MRTFB: variants seen among roughly 807,000 people sequenced by gnomAD.
MRTFB encodes the protein myocardin-related transcription factor B.
Under a neutral mutation model 104.2 loss-of-function variants are expected in MRTFB, and 29 were observed. The ratio of observed to expected loss-of-function variants is 0.28; its 90% CI spans 0.21 to 0.38. The LOEUF (loss-of-function observed/expected upper bound fraction) is 0.38. MRTFB is among the 10% of genes least tolerant of loss of function. The pLI, the probability that MRTFB is intolerant of heterozygous loss-of-function variation, is 1.00. For missense variants in MRTFB, 1,270 were observed against 1,341.6 expected, an observed-to-expected ratio of 0.95 and a Z score of 0.83; for synonymous variants, 535 against 519.5, an observed-to-expected ratio of 1.03 and a Z score of -0.41.
chr16:14,132,727 T>G (rs2037500819), intron 2 of MRTFB, among the ~76,000 whole-genome samples: 1 of 152,226 alleles, frequency 6.6e-6, no homozygotes, highest in Non-Finnish European at 1.5e-5. Context: ...TTAAAATGCT[T>G]CGTGGCAGAA....
At position 14,266,197 on chromosome 16, in the gene MRTFB, A is replaced by T. The variant is rs2043941818; in HGVS notation, c.*4753A>T. On this transcript the variant is annotated 3_prime_UTR_variant, in exon 17 of 17. Transcript: ENST00000571589. Reference sequence around the variant, plus strand: ...AAGGTATTATCCATTTAAGGTTATAATTTTCACTAAGATGTAGATATTTCT... The same window carrying T: ...AAGGTATTATCCATTTAAGGTTATATTTTTCACTAAGATGTAGATATTTCT... 1 of 152,230 alleles carries T rather than the reference A, an allele frequency of 6.6e-6. No individual in the cohort carries two copies. Among genetic ancestry groups the T allele is most frequent in the South Asian group, 2.1e-4 (1 of 4,830 alleles). The allele number at this position is 152,230 out of a possible 1,614,324, so 9.4% of individuals were successfully genotyped here. A position where few individuals can be genotyped will look rare whatever the true frequency, so the allele number is the denominator to read the frequency against.
chr16:14,117,683 C>G (rs1056124023), intron 2 of MRTFB, among the ~76,000 whole-genome samples: 8 of 152,086 alleles, frequency 5.3e-5, no homozygotes, highest in African/African-American at 1.9e-4. Flanking sequence ...GGAGATGGTG[C>G]CAACTGCAGT....
At chr16:14,107,208 C>G (rs1009581269) in intron 2 of MRTFB, among the ~76,000 whole-genome samples, 1 of 152,216 alleles carries the variant, frequency 6.6e-6, no homozygotes, top group Admixed American at 6.5e-5. Context: ...TGCACTCCAT[C>G]CTGGGTGACA....
chr16:14,014,669 C>T, the MRTFB span, among the ~76,000 whole-genome samples: 100 of 151,988 alleles, frequency 6.6e-4, no homozygotes, highest in African/African-American at 2.4e-3. Flanking sequence ...GCCTGGCCAA[C>T]ATGGTGAAAC....
intron 10 of MRTFB, among the ~76,000 whole-genome samples, chr16:14,244,022 C>T (rs1019039236): frequency 1.8e-4 from 28 of 152,080 alleles, no homozygotes; most frequent in East Asian, 1.2e-3. Context: ...GGGCTACAGG[C>T]GCCCGCCACC....
chr16:14,257,083 A>G lies in MRTFB; in HGVS notation c.2704-1018A>G, dbSNP rs568444829. Among the ~76,000 whole-genome samples, 5 of 152,342 alleles carry G rather than the reference A, an allele frequency of 3.3e-5. No homozygotes were observed. The South Asian group carries it at 1.0e-3, about 32-fold the overall frequency. On this transcript the variant is annotated intron_variant, in intron 15 of 16. Transcript: ENST00000571589. The stretch of plus-strand genomic sequence containing the variant: ...GAAATATCTAAAATTGAAAAGACTG[A>G]CCCTACAAAGTATTGGTGAGAATGG...
chr16:14,231,811 C>T (rs1380084278), intron 8 of MRTFB, among the ~76,000 whole-genome samples: 1 of 152,114 alleles, frequency 6.6e-6, no homozygotes, highest in African/African-American at 2.4e-5. Flanking sequence ...GGGTTTGGTA[C>T]GGGAACGGAG....
At position 14,250,183 on chromosome 16, in the gene MRTFB, T is replaced by A. The variant is rs1821915; in HGVS notation, c.2403+1102T>A. Among the ~76,000 whole-genome samples the A allele has an allele frequency of 1.2e-3, 181 of 152,352 alleles. 6 individuals carry two copies. In the East Asian group the frequency reaches 0.03, roughly 25 times the overall value. On this transcript the variant is annotated intron_variant, in intron 13 of 16. Transcript: ENST00000571589. ...TTAAAGGAAGTAATTTTTTACCAAA[T>A]TTAAGGAAAATTAATTTTTTCAAAT...
rs149892819 is a variant in MRTFB at position 14,200,330 on chromosome 16, C to T, written c.155-9913C>T. 2,226 of 1,607,212 alleles carry T rather than the reference C, an allele frequency of 1.4e-3. 17 individuals are homozygous for T. The African/African-American group carries it at 0.019, about 14-fold the overall frequency. Reference sequence around the variant, plus strand: ...TACGCTGCTGCGCTGACGTGGCTCCCGGAAGTAAGGCTGGCGTAGGGCCGC... The same window carrying T: ...TACGCTGCTGCGCTGACGTGGCTCCTGGAAGTAAGGCTGGCGTAGGGCCGC... On this transcript the variant is annotated intron_variant, in intron 3 of 16. Transcript: ENST00000571589.
At chr16:14,201,463 T>A (rs1221789033) in intron 3 of MRTFB, among the ~76,000 whole-genome samples, 3 of 152,210 alleles carry the variant, frequency 2.0e-5, no homozygotes, top group Non-Finnish European at 4.4e-5. Context: ...AAATAATTGT[T>A]AGTTTTTAAT....
intron 2 of MRTFB, among the ~76,000 whole-genome samples, chr16:14,138,348 CTAA>C (rs1245517584): frequency 6.6e-6 from 1 of 152,092 alleles, no homozygotes; most frequent in Non-Finnish European, 1.5e-5. Context: ...TTTCTGAAAT[CTAA>C]GTTTTTATCT....
chr16:14,171,249 C>G (rs192273682), intron 3 of MRTFB, among the ~76,000 whole-genome samples: 1 of 152,270 alleles, frequency 6.6e-6, no homozygotes, highest in Non-Finnish European at 1.5e-5. Flanking sequence ...TACATGTGTT[C>G]ATTGTTTCTA....
intron 10 of MRTFB, among the ~76,000 whole-genome samples, chr16:14,242,842 T>C (rs2042833858): frequency 6.6e-6 from 1 of 152,012 alleles, no homozygotes; most frequent in Non-Finnish European, 1.5e-5. Flanking sequence ...TTTTAATAGG[T>C]AGAGTATTAT....
At chr16:14,172,822 T>C (rs1956369961) in intron 3 of MRTFB, among the ~76,000 whole-genome samples, 1 of 152,206 alleles carries the variant, frequency 6.6e-6, no homozygotes, top group Non-Finnish European at 1.5e-5. Context: ...AGGGAAAGAA[T>C]GAATTATCTG....
the MRTFB span, among the ~76,000 whole-genome samples, chr16:14,055,948 T>C: frequency 2.0e-5 from 3 of 152,114 alleles, no homozygotes; most frequent in Admixed American, 1.3e-4. Flanking sequence ...TTTTTTTTAT[T>C]TCCCTCATTG....
rs576943894 is a variant in MRTFB at position 14,107,469 on chromosome 16, A to G, written c.-64+28115A>G. 2.1e-4 allele frequency among the ~76,000 whole-genome samples: 32 copies of G among 152,314 alleles called. No individual in the cohort carries two copies. The East Asian group carries it at 2.3e-3, about 11-fold the overall frequency. On this transcript the variant is annotated intron_variant, in intron 2 of 16. Coordinates refer to ENST00000571589, the MANE Select transcript of MRTFB (RefSeq NM_001308142.2). The stretch of plus-strand genomic sequence containing the variant: ...TCATTTTAGCACGAAGGGGTTTATC[A>G]TATTATTTCCAGACAATAGTTTTGG...
intron 2 of MRTFB, among the ~76,000 whole-genome samples, chr16:14,084,607 T>C (rs1413415203): frequency 6.6e-6 from 1 of 152,162 alleles, no homozygotes; most frequent in Non-Finnish European, 1.5e-5. Context: ...CAAACGTAGA[T>C]ATCAATTGTG....
chr16:14,005,345 A>G, the MRTFB span, among the ~76,000 whole-genome samples: 1 of 152,192 alleles, frequency 6.6e-6, no homozygotes, highest in South Asian at 2.1e-4. Context: ...TTGATGGCCG[A>G]TCACACACCG....
At chr16:14,252,153 G>T in intron 14 of MRTFB, 130 bp downstream of exon 14, 1 of 1,251,202 alleles carries the variant, frequency 8.0e-7, no homozygotes, top group Non-Finnish European at 1.1e-6. Context: ...GTGATAACTT[G>T]TGAAGGAGGA....
Sources: allele counts gnomAD v4.1 joint callset (sites outside exome capture counted in the v4.1 genomes callset), GRCh38; gene constraint gnomAD v4.1.1; transcripts MANE v1.5; gene names NCBI Gene and HGNC (gene_info 2026-07-23, HGNC 2026-07-21).